SGIP1: variants seen among roughly 807,000 people sequenced by gnomAD.
SGIP1 encodes the protein SH3GL interacting endocytic adaptor 1.
SGIP1 carries 38 observed loss-of-function variants against 107.5 expected under a neutral mutation model. That is an observed-to-expected ratio of 0.35 (90% CI 0.27 to 0.46). SGIP1 has a LOEUF of 0.46. Among genes scored for constraint, SGIP1 ranks in the 20% least tolerant of loss-of-function variants. The pLI is 1.00. For missense variants in SGIP1, 929 were observed against 1,019.5 expected, an observed-to-expected ratio of 0.91 and a Z score of 1.21; for synonymous variants, 365 against 366.1, an observed-to-expected ratio of 1.00 and a Z score of 0.03.
intron 2 of SGIP1, among the ~76,000 whole-genome samples, chr1:66,632,516 T>C (rs1558143039): frequency 1.3e-5 from 2 of 152,168 alleles, no homozygotes; most frequent in Non-Finnish European, 2.9e-5. Flanking sequence ...GATGCTCTCC[T>C]GCAATCCCAG....
At chr1:66,705,966 A>G (rs1188359203) in intron 18 of SGIP1, among the ~76,000 whole-genome samples, 1 of 152,126 alleles carries the variant, frequency 6.6e-6, no homozygotes, top group African/African-American at 2.4e-5. Flanking sequence ...GCAGCAAACC[A>G]CCATGGCACA....
At chr1:66,667,432 G>T in intron 8 of SGIP1, 98 bp from the exon 9 acceptor site, 2 of 1,119,158 alleles carry the variant, frequency 1.8e-6, no homozygotes, top group Non-Finnish European at 2.7e-6. Flanking sequence ...TGTATGTTTG[G>T]TTAGCTGCTT....
At chr1:66,690,128 T>G in intron 16 of SGIP1, 62 bp from the exon 17 acceptor site, 1 of 1,593,784 alleles carries the variant, frequency 6.3e-7, no homozygotes, top group Non-Finnish European at 8.6e-7. Flanking sequence ...ACATTAAAAA[T>G]ATGGAGCAAA....
At chr1:66,698,580 G>C (rs1445214282) in intron 18 of SGIP1, among the ~76,000 whole-genome samples, 1 of 151,876 alleles carries the variant, frequency 6.6e-6, no homozygotes, top group Non-Finnish European at 1.5e-5. Context: ...GGGTTTCACC[G>C]TGTTAGCCAG....
At position 66,682,336 on chromosome 1, in the gene SGIP1, C is replaced by T; in HGVS notation, c.1282C>T (p.Pro428Ser). The T allele has an allele frequency of 1.2e-6, 2 of 1,613,994 alleles. No individual in the cohort carries two copies. Among genetic ancestry groups the T allele is most frequent in the Non-Finnish European group, 8.5e-7 (1 of 1,179,968 alleles). ...CAGGACTGTGGTTTCGTCCCCCGGA[C>T]CTGGCTCGGGCCCTGGTCCGGGGAC... ...TYRTVVSSPG[P>S]GSGPGPGTTS... Residue 428 changes from proline to serine, a missense_variant, in exon 15 of 25, where the codon CCT becomes TCT. Physicochemically the swap from Pro to Ser is moderately conservative, Grantham distance 74 (BLOSUM62 -1). Around this residue, in one of 2 missense-constraint regions of SGIP1, gnomAD observed 588 missense variants for 588.6 expected, o/e 1.00. Coordinates refer to ENST00000371037, the MANE Select transcript of SGIP1 (RefSeq NM_032291.4).
At chr1:66,694,877 A>G (rs538698669) in intron 17 of SGIP1, 132 of 229,424 alleles carry the variant, frequency 5.8e-4, no homozygotes, top group Non-Finnish European at 9.7e-4. Context: ...TTTGATACAT[A>G]GGTAAAGGGT....
chr1:66,552,114 C>T (rs1415939966), intron 1 of SGIP1, among the ~76,000 whole-genome samples: 1 of 152,088 alleles, frequency 6.6e-6, no homozygotes, highest in Non-Finnish European at 1.5e-5. Context: ...CTGGTGTGAT[C>T]TCTGAACCAC....
At chr1:66,675,561 A>C (rs1387019164) in intron 12 of SGIP1, among the ~76,000 whole-genome samples, 1 of 12,406 alleles carries the variant, frequency 8.1e-5, no homozygotes, top group Non-Finnish European at 1.2e-4. Context: ...TTTTTTTTTG[A>C]CAGAATCTCA....
intron 20 of SGIP1, among the ~76,000 whole-genome samples, chr1:66,731,470 ATCAC>A: frequency 6.6e-6 from 1 of 152,326 alleles, no homozygotes; most frequent in Non-Finnish European, 1.5e-5. Context: ...AGAATCAAAC[ATCAC>A]TCAAAGTGGT....
chr1:66,622,718 G>T (rs542750723), intron 1 of SGIP1, among the ~76,000 whole-genome samples: 5 of 152,164 alleles, frequency 3.3e-5, no homozygotes, highest in Non-Finnish European at 7.3e-5. Flanking sequence ...GCTTGGGAGA[G>T]AACCATTCTA....
At chr1:66,699,743 C>G (rs985437980) in intron 18 of SGIP1, among the ~76,000 whole-genome samples, 1 of 151,938 alleles carries the variant, frequency 6.6e-6, no homozygotes, top group East Asian at 1.9e-4. Flanking sequence ...AGAAAAAATA[C>G]CTGTCCCCAC....
intron 1 of SGIP1, among the ~76,000 whole-genome samples, chr1:66,560,274 G>A (rs1457970964): frequency 1.3e-5 from 2 of 152,034 alleles, no homozygotes; most frequent in Non-Finnish European, 1.5e-5. Context: ...GCAGAAATAA[G>A]TACCCAGTTG....
At chr1:66,573,385 T>A (rs1321436433) in intron 1 of SGIP1, among the ~76,000 whole-genome samples, 76 of 152,124 alleles carry the variant, frequency 5.0e-4, no homozygotes, top group Admixed American at 4.9e-3. Flanking sequence ...AAATACCACT[T>A]AACCCAGCAA....
At chr1:66,555,224 A>G (rs1411174871) in intron 1 of SGIP1, among the ~76,000 whole-genome samples, 1 of 152,036 alleles carries the variant, frequency 6.6e-6, no homozygotes, top group Admixed American at 6.6e-5. Context: ...CCCTCCTCAT[A>G]TACATAGTGC....
At chr1:66,713,430 T>C (rs929256944) in intron 18 of SGIP1, among the ~76,000 whole-genome samples, 1 of 152,160 alleles carries the variant, frequency 6.6e-6, no homozygotes, top group Non-Finnish European at 1.5e-5. Flanking sequence ...ACCTAACCTG[T>C]GTACACTCCA....
At chr1:66,686,764 G>T (rs1166640051) in intron 15 of SGIP1, among the ~76,000 whole-genome samples, 1 of 152,186 alleles carries the variant, frequency 6.6e-6, no homozygotes, top group African/African-American at 2.4e-5. Context: ...CAGAAAAAGT[G>T]ATTTCAATGG....
At chr1:66,601,288 C>T (rs2065762257) in intron 1 of SGIP1, among the ~76,000 whole-genome samples, 1 of 152,128 alleles carries the variant, frequency 6.6e-6, no homozygotes, top group Non-Finnish European at 1.5e-5. Context: ...TGGCGTGAAC[C>T]TGGGAGGCGG....
rs573942323 is a variant in SGIP1 at position 66,742,165 on chromosome 1, T to G, written c.2464+729T>G. 2.0e-5 allele frequency among the ~76,000 whole-genome samples: 3 copies of G among 152,284 alleles called. No homozygotes were observed. In the East Asian group the frequency reaches 5.8e-4, roughly 29 times the overall value. On this transcript the variant is annotated intron_variant, in intron 24 of 24. Coordinates refer to ENST00000371037, the MANE Select transcript of SGIP1 (RefSeq NM_032291.4). Reference sequence around the variant, plus strand: ...GGTTTAGCTGAGATCTGGGAGAATCTATTTTTCACTTTAATAACAAACTCA... The same window carrying G: ...GGTTTAGCTGAGATCTGGGAGAATCGATTTTTCACTTTAATAACAAACTCA...
intron 1 of SGIP1, among the ~76,000 whole-genome samples, chr1:66,597,795 C>T (rs756295235): frequency 3.9e-5 from 6 of 152,130 alleles, no homozygotes; most frequent in East Asian, 1.9e-4. Context: ...AAGGATTTTA[C>T]GCATTAACGT....
Sources: gnomAD v4.1 joint callset for allele counts (sites outside exome capture counted in the v4.1 genomes callset) on GRCh38, gnomAD v4.1.1 for gene constraint, gnomAD v4.1.1 regional missense constraint, MANE v1.5 for transcripts, NCBI Gene and HGNC (gene_info 2026-07-23, HGNC 2026-07-21) for gene names.